The following PALM2AKAP2 variants were observed in gnomAD, a reference collection of about 807,000 sequenced individuals.
PALM2AKAP2 encodes PALM2 and AKAP2 fusion, also known as PALM2-AKAP2 fusion protein.
PALM2AKAP2 carries 37 observed loss-of-function variants against 71.5 expected under a neutral mutation model. That is an observed-to-expected ratio of 0.52 (90% confidence interval 0.40 to 0.68). The LOEUF (loss-of-function observed/expected upper bound fraction) is 0.68, where lower values mean the gene tolerates loss of function less well. Ranked by LOEUF, PALM2AKAP2 falls within the 30% of genes least tolerant of loss-of-function variation. The probability of loss-of-function intolerance (pLI) is 0.00; values close to 1 mark genes in which losing one functional copy is unlikely to be tolerated. For missense variants in PALM2AKAP2, 1,224 were observed against 1,191.8 expected, an observed-to-expected ratio of 1.03 and a Z score of -0.40; for synonymous variants, 468 against 478.8, an observed-to-expected ratio of 0.98 and a Z score of 0.29.
At chr9:110,049,999 C>A (rs1833679406) in intron 1 of PALM2AKAP2, among the ~76,000 whole-genome samples, 1 of 152,242 alleles carries the variant, frequency 6.6e-6, no homozygotes, top group African/African-American at 2.4e-5. Context: ...CCCAGGAAAG[C>A]CCGTTTCCCG....
chr9:109,748,420 C>T (rs539053786), intron 1 of PALM2AKAP2, among the ~76,000 whole-genome samples: 21 of 152,102 alleles, frequency 1.4e-4, no homozygotes, highest in South Asian at 8.3e-4. Flanking sequence ...AAACATGAGG[C>T]GATAGGAGCA....
At chr9:109,773,342 G>A (rs913534557) in intron 1 of PALM2AKAP2, among the ~76,000 whole-genome samples, 1 of 151,826 alleles carries the variant, frequency 6.6e-6, no homozygotes, top group African/African-American at 2.4e-5. Flanking sequence ...TCACTATGTT[G>A]CCCAGGCTGG....
At chr9:109,812,379 G>T (rs1827747944) in intron 1 of PALM2AKAP2, among the ~76,000 whole-genome samples, 1 of 152,046 alleles carries the variant, frequency 6.6e-6, no homozygotes, top group African/African-American at 2.4e-5. Flanking sequence ...CCAGATGAAA[G>T]GGAAGAACCT....
At chr9:109,667,414 G>A (rs1010031785) in intron 1 of PALM2AKAP2, among the ~76,000 whole-genome samples, 1 of 90,668 alleles carries the variant, frequency 1.1e-5, no homozygotes, top group Non-Finnish European at 2.4e-5. Context: ...ACCTAGGCCC[G>A]AAGATCTACA....
At chr9:109,734,671 T>C (rs909477808) in intron 1 of PALM2AKAP2, among the ~76,000 whole-genome samples, 5 of 152,188 alleles carry the variant, frequency 3.3e-5, no homozygotes, top group African/African-American at 1.2e-4. Context: ...CATTTTAATT[T>C]CATTAAACAT....
At chr9:109,674,246 A>G (rs140115172) in intron 1 of PALM2AKAP2, among the ~76,000 whole-genome samples, 1,978 of 152,018 alleles carry the variant, frequency 0.013, 27 homozygotes, top group South Asian at 0.038. Flanking sequence ...ATATATGCCT[A>G]TAGATTCCTT....
At chr9:110,071,370 T>C (rs74886679) in intron 1 of PALM2AKAP2, among the ~76,000 whole-genome samples, 2,032 of 152,256 alleles carry the variant, frequency 0.013, 38 homozygotes, top group African/African-American at 0.047. Flanking sequence ...GTTATTTTCT[T>C]CTCCCAAGGA....
intron 1 of PALM2AKAP2, among the ~76,000 whole-genome samples, chr9:110,098,507 A>G (rs1288957939): frequency 6.6e-6 from 1 of 152,222 alleles, no homozygotes; most frequent in African/African-American, 2.4e-5. Flanking sequence ...AGTATATCTC[A>G]ATGAAGCTGT....
intron 1 of PALM2AKAP2, among the ~76,000 whole-genome samples, chr9:109,658,982 C>A (rs1166255258): frequency 6.6e-6 from 1 of 152,186 alleles, no homozygotes; most frequent in Non-Finnish European, 1.5e-5. Context: ...CTCCATGTAT[C>A]TCTACAGAAG....
chr9:110,088,728 T>G (rs1292148125), intron 1 of PALM2AKAP2, among the ~76,000 whole-genome samples: 2 of 140,138 alleles, frequency 1.4e-5, no homozygotes, highest in Admixed American at 7.3e-5. Flanking sequence ...TTTTTTTTTT[T>G]TTTTTTTCTG....
At chr9:110,111,139 T>C (rs935987407) in intron 1 of PALM2AKAP2, among the ~76,000 whole-genome samples, 5 of 130,252 alleles carry the variant, frequency 3.8e-5, no homozygotes, top group African/African-American at 1.5e-4. Flanking sequence ...TCACCCAGGC[T>C]GGAGTACAGT....
chr9:109,803,571 C>A (rs1827492751), intron 1 of PALM2AKAP2, among the ~76,000 whole-genome samples: 1 of 152,186 alleles, frequency 6.6e-6, no homozygotes, highest in Non-Finnish European at 1.5e-5. Context: ...TAGTAATAAT[C>A]AGAGACCTGG....
intron 1 of PALM2AKAP2, among the ~76,000 whole-genome samples, chr9:110,135,189 A>ATATATATATAT (rs1835831604): frequency 6.2e-5 from 7 of 113,330 alleles, no homozygotes; most frequent in East Asian, 2.3e-4. Context: ...ATATATATAT[A>ATATATATATAT]AATCAGCCAG....
upstream of PALM2AKAP2, chr9:109,780,342 CGCCGCCCCTGGAGCGGATCCCCA>C: frequency 7.2e-6 from 11 of 1,530,404 alleles, no homozygotes; most frequent in South Asian, 1.4e-4. Context: ...CAGCTCTGCC[CGCCGCCCCTGGAGCGGATCCCCA>C]GCCGTCCCTG....
At chr9:109,660,610 G>T (rs1827378685) in intron 1 of PALM2AKAP2, among the ~76,000 whole-genome samples, 1 of 151,736 alleles carries the variant, frequency 6.6e-6, no homozygotes, top group African/African-American at 2.4e-5. Flanking sequence ...TGGACATTTG[G>T]GTTGTTTCCA....
chr9:109,979,999 T>A (rs1328571124), intron 6 of PALM2AKAP2, among the ~76,000 whole-genome samples: 2 of 152,088 alleles, frequency 1.3e-5, no homozygotes, highest in African/African-American at 4.8e-5. Context: ...AGGAAAGAAG[T>A]GTGTCCTCAG....
intron 6 of PALM2AKAP2, among the ~76,000 whole-genome samples, chr9:109,975,064 A>G (rs1185017084): frequency 7.2e-6 from 1 of 138,388 alleles, no homozygotes; most frequent in African/African-American, 2.7e-5. Context: ...GCACGTGCAC[A>G]CACACACACA....
At chr9:110,037,785 A>T (rs975961377) in intron 7 of PALM2AKAP2, among the ~76,000 whole-genome samples, 2 of 152,202 alleles carry the variant, frequency 1.3e-5, no homozygotes, top group Non-Finnish European at 2.9e-5. Flanking sequence ...TTTGAGAGGA[A>T]ATTAAGAATT....
intron 1 of PALM2AKAP2, among the ~76,000 whole-genome samples, chr9:110,069,768 G>A (rs1344308949): frequency 6.6e-6 from 1 of 152,218 alleles, no homozygotes; most frequent in Non-Finnish European, 1.5e-5. Context: ...CAAGTGAGCT[G>A]GAGGTGGAGC....
Sources: allele counts gnomAD v4.1 joint callset (sites outside exome capture counted in the v4.1 genomes callset), GRCh38; gene constraint gnomAD v4.1.1; transcripts MANE v1.5; gene names NCBI Gene and HGNC (gene_info 2026-07-23, HGNC 2026-07-21).